PRSS23: variants seen among roughly 807,000 people sequenced by gnomAD.
PRSS23 encodes serine protease 23.
Under a neutral mutation model 34.7 loss-of-function variants are expected in PRSS23, and 25 were observed. That is an observed-to-expected ratio of 0.72 (90% CI 0.53 to 1.01). The LOEUF is 1.01. Ranked by LOEUF, PRSS23 falls within the 50% of genes least tolerant of loss-of-function variation. The pLI is 0.00. For missense variants in PRSS23, 445 were observed against 475.6 expected (o/e 0.94, Z 0.60); for synonymous variants, 176 against 186.6 (o/e 0.94, Z 0.46).
Position 86,821,554 on chromosome 11 carries a change from T to C in PRSS23, c.-11-1823T>C. On this transcript the variant is annotated intron_variant, in intron 1 of 2. Coordinates refer to the PRSS23 transcript ENST00000533902. Reference sequence around the variant, plus strand: ...TTTGAGTGCAAGTATCTGGATGGCATTCACTCTGAAGTTTGACAACAAGTC... The same window carrying C: ...TTTGAGTGCAAGTATCTGGATGGCACTCACTCTGAAGTTTGACAACAAGTC... The C allele has an allele frequency of 1.9e-6, 3 of 1,611,048 alleles. No individual in the cohort carries two copies. The South Asian group carries it at 3.3e-5, about 18-fold the overall frequency.
At chr11:86,908,646 G>A (rs768850076) in intron 2 of PRSS23, among the ~76,000 whole-genome samples, 9 of 151,952 alleles carry the variant, frequency 5.9e-5, no homozygotes, top group Middle Eastern at 3.4e-3. Context: ...GAAACTTTGC[G>A]GTCCATATAA....
At chr11:86,925,295 AGTGTGTGTGT>A (rs5793226) in intron 2 of PRSS23, among the ~76,000 whole-genome samples, 177 of 149,108 alleles carry the variant, frequency 1.2e-3, no homozygotes, top group African/African-American at 4.0e-3. Flanking sequence ...GTTTAACTGG[AGTGTGTGTGT>A]GTGTGTGTGT....
At chr11:86,853,242 CTT>C (rs561682096) in intron 2 of PRSS23, among the ~76,000 whole-genome samples, 9 of 47,788 alleles carry the variant, frequency 1.9e-4, no homozygotes, top group African/African-American at 5.3e-4. Flanking sequence ...AAGTGCCTGC[CTT>C]TTTTTTTTTT....
chr11:86,849,346 A>G (rs1193087875), intron 2 of PRSS23, among the ~76,000 whole-genome samples: 2 of 152,180 alleles, frequency 1.3e-5, no homozygotes, highest in Non-Finnish European at 2.9e-5. Context: ...CACCCTTATT[A>G]AGGAGAGACA....
At chr11:86,939,978 A>G (rs1244930727) in intron 2 of PRSS23, among the ~76,000 whole-genome samples, 1 of 152,222 alleles carries the variant, frequency 6.6e-6, no homozygotes. Context: ...CAAAATCTAC[A>G]TGGGAGACAT....
rs568903667 is a variant in PRSS23, at chr11:86,917,715, T to C, written c.207-33501T>C. Among the ~76,000 whole-genome samples the C allele has an allele frequency of 1.4e-4, 22 of 152,346 alleles. No individual in the cohort carries two copies. In the East Asian group the frequency reaches 2.5e-3, roughly 17 times the overall value. On this transcript the variant is annotated intron_variant, in intron 2 of 2. Coordinates refer to the PRSS23 transcript ENST00000533902. The stretch of plus-strand genomic sequence containing the variant: ...ACAGTGGCTGTGTCCCATAGTGACA[T>C]AGATATTTCAATGGAGAAAAGATTG...
intron 1 of PRSS23, among the ~76,000 whole-genome samples, chr11:86,792,708 C>T (rs1341298254): frequency 6.6e-6 from 1 of 152,074 alleles, no homozygotes; most frequent in Non-Finnish European, 1.5e-5. Flanking sequence ...GAAGATGTAA[C>T]ATTGTGTTAG....
intron 2 of PRSS23, among the ~76,000 whole-genome samples, chr11:86,867,633 A>C (rs1203270557): frequency 6.6e-6 from 1 of 152,212 alleles, no homozygotes; most frequent in Non-Finnish European, 1.5e-5. Flanking sequence ...TAATCCCAGC[A>C]CTTTGAGAGG....
intron 2 of PRSS23, among the ~76,000 whole-genome samples, chr11:86,901,033 C>G (rs940463139): frequency 2.4e-4 from 36 of 152,134 alleles, no homozygotes; most frequent in African/African-American, 8.2e-4. Flanking sequence ...GGTCCGCCCA[C>G]CTCAGCCTCC....
intron 2 of PRSS23, chr11:86,950,719 A>G (rs765348251): frequency 7.4e-5 from 18 of 243,924 alleles, no homozygotes; most frequent in Non-Finnish European, 1.5e-4. Context: ...TATCTGAAAG[A>G]CCCAGTTAGT....
At chr11:86,863,221 C>T (rs934939585) in intron 2 of PRSS23, among the ~76,000 whole-genome samples, 1 of 152,124 alleles carries the variant, frequency 6.6e-6, no homozygotes, top group African/African-American at 2.4e-5. Context: ...CCTAATATAA[C>T]AGTGGGTGTT....
At chr11:86,846,796 C>T (rs565524450) in intron 2 of PRSS23, among the ~76,000 whole-genome samples, 22 of 152,290 alleles carry the variant, frequency 1.4e-4, no homozygotes, top group African/African-American at 4.8e-4. Context: ...TCATGGTGCC[C>T]TCTAGGGTTC....
upstream of PRSS23, among the ~76,000 whole-genome samples, chr11:86,798,442 T>C (rs1947996212): frequency 1.3e-5 from 2 of 152,082 alleles, no homozygotes; most frequent in African/African-American, 4.8e-5. Flanking sequence ...AAAGGAGATA[T>C]GGTAGATGGA....
intron 2 of PRSS23, among the ~76,000 whole-genome samples, chr11:86,900,243 T>G (rs892472630): frequency 2.6e-5 from 4 of 152,188 alleles, no homozygotes; most frequent in African/African-American, 9.7e-5. Context: ...TTGTAGACAC[T>G]TTGCACTTGG....
In PRSS23 at chr11:86,928,494, T is replaced by C. The variant is rs183181169; in HGVS notation, c.207-22722T>C. The stretch of plus-strand genomic sequence containing the variant: ...ATCGAGATCATCCTGGCTAACACAG[T>C]AAAACCCCATCTCTACTAAAAATAC... On this transcript the variant is annotated intron_variant, in intron 2 of 2. Transcript: ENST00000533902. 1.5e-3 allele frequency among the ~76,000 whole-genome samples: 225 copies of C among 147,464 alleles called. 1 individual carries two copies. The highest frequency in any genetic ancestry group is 7.3e-3 in the Middle Eastern group (2 of 274).
At chr11:86,859,046 G>A (rs1372849603) in intron 2 of PRSS23, among the ~76,000 whole-genome samples, 4 of 151,756 alleles carry the variant, frequency 2.6e-5, no homozygotes, top group Non-Finnish European at 5.9e-5. Context: ...CTAAAATCTA[G>A]GGGAGAGAGG....
chr11:86,843,353 A>T (rs962999775), intron 2 of PRSS23, among the ~76,000 whole-genome samples: 1 of 152,252 alleles, frequency 6.6e-6, no homozygotes, highest in African/African-American at 2.4e-5. Context: ...TTAAGGACAT[A>T]GGCGTGGGCA....
intron 2 of PRSS23, among the ~76,000 whole-genome samples, chr11:86,891,327 T>C (rs1191330557): frequency 1.3e-5 from 2 of 152,254 alleles, no homozygotes; most frequent in Non-Finnish European, 2.9e-5. Context: ...CCCTCAGTAA[T>C]GCTTTCTTGT....
At chr11:86,855,821 T>C (rs1255688456) in intron 2 of PRSS23, among the ~76,000 whole-genome samples, 21 of 152,188 alleles carry the variant, frequency 1.4e-4, no homozygotes, top group Non-Finnish European at 5.9e-5. Context: ...TTCTTGTTCC[T>C]ACATATAAGT....
Sources: gnomAD v4.1 joint callset for allele counts (sites outside exome capture counted in the v4.1 genomes callset) on GRCh38, gnomAD v4.1.1 for gene constraint, MANE v1.5 for transcripts, NCBI Gene and HGNC (gene_info 2026-07-23, HGNC 2026-07-21) for gene names.